Variants in ASTN2 observed in about 807,000 individuals in gnomAD.
ASTN2 encodes astrotactin-2.
ASTN2 carries 54 observed loss-of-function variants against 139.8 expected under a neutral mutation model. The ratio of observed to expected loss-of-function variants is 0.39; its 90% CI spans 0.31 to 0.48. The LOEUF is 0.48. Among genes scored for constraint, ASTN2 ranks in the 20% least tolerant of loss-of-function variants. ASTN2 has a pLI of 0.95. For missense variants in ASTN2, 1,565 were observed against 1,725.1 expected (o/e 0.91, Z 1.64); for synonymous variants, 756 against 719.5 (o/e 1.05, Z -0.81).
At chr9:117,308,234 A>AATCG (rs983510722) in intron 1 of ASTN2, among the ~76,000 whole-genome samples, 2 of 151,836 alleles carry the variant, frequency 1.3e-5, no homozygotes, top group African/African-American at 4.8e-5. Flanking sequence ...TCAATCAATC[A>AATCG]ATCAATCAAT....
At chr9:117,278,099 C>A (rs1038271490) in intron 2 of ASTN2, among the ~76,000 whole-genome samples, 6 of 152,178 alleles carry the variant, frequency 3.9e-5, no homozygotes, top group Non-Finnish European at 7.3e-5. Context: ...CTGACATATG[C>A]CCAGCTCCTC....
At chr9:117,350,311 G>T (rs911300993) in intron 1 of ASTN2, among the ~76,000 whole-genome samples, 6 of 152,144 alleles carry the variant, frequency 3.9e-5, no homozygotes, top group African/African-American at 1.2e-4. Context: ...CACTTTGGGA[G>T]GCCGAGGTGG....
intron 1 of ASTN2, among the ~76,000 whole-genome samples, chr9:117,311,458 T>C (rs1425346414): frequency 6.6e-6 from 1 of 152,082 alleles, no homozygotes; most frequent in African/African-American, 2.4e-5. Context: ...CCATCCACTC[T>C]TTTTCTGGCC....
intron 5 of ASTN2, among the ~76,000 whole-genome samples, chr9:117,076,214 C>A (rs186087752): frequency 6.6e-6 from 1 of 152,068 alleles, no homozygotes; most frequent in Non-Finnish European, 1.5e-5. Context: ...CTGGTAAGCA[C>A]GCTGGAGTGG....
intron 18 of ASTN2, among the ~76,000 whole-genome samples, chr9:116,620,006 A>C (rs1288661851): frequency 6.6e-6 from 1 of 151,992 alleles, no homozygotes; most frequent in Non-Finnish European, 1.5e-5. Context: ...GCCCAACACA[A>C]GACCTGACAA....
chr9:116,824,840 T>C (rs567083456), intron 11 of ASTN2, among the ~76,000 whole-genome samples: 2 of 152,322 alleles, frequency 1.3e-5, no homozygotes, highest in African/African-American at 4.8e-5. Context: ...GTTTGAGAGA[T>C]AAATATACAC....
chr9:116,428,350 CCT>C (rs1847376036), intron 22 of ASTN2, among the ~76,000 whole-genome samples: 1 of 152,036 alleles, frequency 6.6e-6, no homozygotes, highest in African/African-American at 2.4e-5. Flanking sequence ...ATACTGAAAC[CCT>C]GTCTTTACTA....
At chr9:117,372,347 C>CT (rs1830012047) in intron 1 of ASTN2, among the ~76,000 whole-genome samples, 1 of 152,142 alleles carries the variant, frequency 6.6e-6, no homozygotes, top group African/African-American at 2.4e-5. Context: ...GATATTGGTA[C>CT]TAGTTAGCAA....
At chr9:117,190,496 A>G (rs533249101) in intron 3 of ASTN2, among the ~76,000 whole-genome samples, 9 of 152,038 alleles carry the variant, frequency 5.9e-5, no homozygotes, top group Non-Finnish European at 1.2e-4. Flanking sequence ...CCATTTTCCA[A>G]TGGCTTTTCA....
At chr9:116,452,985 C>A (rs534524937) in intron 20 of ASTN2, among the ~76,000 whole-genome samples, 2 of 152,154 alleles carry the variant, frequency 1.3e-5, no homozygotes, top group Non-Finnish European at 2.9e-5. Context: ...CAAAGCCAAG[C>A]TCAGAGGAGG....
rs530533315 is a variant in ASTN2, at chr9:116,795,403, T to G, written c.2396+10229A>C. Reference sequence around the variant, plus strand: ...TAAATATGAACACTTAAATCCCACATTCCTAATAAGATGTGTTTCATTACA... The same window carrying G: ...TAAATATGAACACTTAAATCCCACAGTCCTAATAAGATGTGTTTCATTACA... On this transcript the variant is annotated intron_variant, in intron 13 of 22. Coordinates refer to ENST00000313400, the MANE Select transcript of ASTN2 (RefSeq NM_001365068.1). 2.6e-5 allele frequency among the ~76,000 whole-genome samples: 4 copies of G among 152,366 alleles called. No individual in the cohort carries two copies. The South Asian group carries it at 8.3e-4, about 32-fold the overall frequency.
chr9:116,917,869 T>C (rs1021138231), intron 10 of ASTN2, among the ~76,000 whole-genome samples: 2 of 152,310 alleles, frequency 1.3e-5, no homozygotes, highest in East Asian at 3.9e-4. Context: ...GTGCCTGATA[T>C]GGTTTGGCTG....
Position 116,698,423 on chromosome 9 carries a change from G to A in ASTN2, c.2806+27348C>T, listed in dbSNP as rs779933628. 2.8e-5 allele frequency: 45 copies of A among 1,613,998 alleles called. No homozygotes were observed. The highest frequency in any genetic ancestry group is 3.5e-5 in the Non-Finnish European group (41 of 1,180,032). ...AAGTGGTAGAGGAGCAGAGTTACCT[G>A]CTTAACATTGCAGAGGTGCAGGCTG... On this transcript the variant is annotated intron_variant, in intron 16 of 22. Coordinates refer to ENST00000313400, the MANE Select transcript of ASTN2 (RefSeq NM_001365068.1). The surrounding 1 kb of genome is among the most constrained non-coding windows in gnomAD (Gnocchi z 4.4).
chr9:116,951,272 G>A (rs1471672017), intron 10 of ASTN2, among the ~76,000 whole-genome samples: 5 of 140,688 alleles, frequency 3.6e-5, no homozygotes, highest in Admixed American at 3.1e-4. Context: ...GGGAGGCAGA[G>A]GTTGCAGTGA....
intron 7 of ASTN2, among the ~76,000 whole-genome samples, chr9:116,990,993 T>C (rs2132551243): frequency 6.6e-6 from 1 of 152,182 alleles, no homozygotes; most frequent in East Asian, 1.9e-4. Context: ...GGAAGAGTCC[T>C]GGTGTTAGCA....
At chr9:116,515,859 A>G (rs995914901) in intron 19 of ASTN2, among the ~76,000 whole-genome samples, 13 of 152,190 alleles carry the variant, frequency 8.5e-5, no homozygotes, top group African/African-American at 2.4e-4. Context: ...ATTTAGACCA[A>G]TACCCCTTAA....
At chr9:116,486,875 TG>T (rs1849355783) in intron 20 of ASTN2, among the ~76,000 whole-genome samples, 1 of 152,128 alleles carries the variant, frequency 6.6e-6, no homozygotes, top group Non-Finnish European at 1.5e-5. Context: ...AAAGGCTGGC[TG>T]GATCTATTAA....
At chr9:116,431,370 G>A (rs1465663237) in intron 22 of ASTN2, among the ~76,000 whole-genome samples, 1 of 152,092 alleles carries the variant, frequency 6.6e-6, no homozygotes. Context: ...AGGACATGAT[G>A]TGGTTGCAAA....
At chr9:116,935,568 CAAAAAAAAGA>C (rs1835042899) in intron 10 of ASTN2, among the ~76,000 whole-genome samples, 3 of 149,806 alleles carry the variant, frequency 2.0e-5, no homozygotes, top group African/African-American at 4.9e-5. Flanking sequence ...AAGCAAAAAG[CAAAAAAAAGA>C]AAAAAAAAGA....
Sources: gnomAD v4.1 joint callset for allele counts (sites outside exome capture counted in the v4.1 genomes callset) on GRCh38, gnomAD v4.1.1 for gene constraint, Gnocchi (gnomAD v3.1) non-coding constraint, MANE v1.5 for transcripts, NCBI Gene and HGNC (gene_info 2026-07-23, HGNC 2026-07-21) for gene names.